DNAAF1: variants seen among roughly 807,000 people sequenced by gnomAD.
DNAAF1 encodes the protein dynein assembly factor 1, axonemal.
A neutral mutation model predicts 71.1 loss-of-function variants in DNAAF1; 65 were observed. The ratio of observed to expected loss-of-function variants is 0.91; its 90% CI spans 0.75 to 1.12. DNAAF1 has a LOEUF of 1.12. Ranked by LOEUF, DNAAF1 falls within the 50% of genes most tolerant of loss-of-function variation. DNAAF1 has a pLI of 0.00. For synonymous variants in DNAAF1, 414 were observed against 354.6 expected, an observed-to-expected ratio of 1.17 and a Z score of -1.88; for missense variants, 1,178 against 899.8, an observed-to-expected ratio of 1.31 and a Z score of -3.96.
At chr16:84,158,020 A>G (rs2087524139) in intron 5 of DNAAF1, among the ~76,000 whole-genome samples, 2 of 152,100 alleles carry the variant, frequency 1.3e-5, no homozygotes, top group Admixed American at 6.6e-5. Context: ...TTCCTGGCTA[A>G]CATGGTGAAA....
intron 5 of DNAAF1, chr16:84,159,205 A>G: frequency 9.7e-7 from 1 of 1,029,040 alleles, no homozygotes; most frequent in Non-Finnish European, 1.2e-6. Context: ...TGCGGCACTC[A>G]GCAGAGGTAA....
Position 84,154,847 on chromosome 16 carries a change from C to G in DNAAF1, c.574+49C>G, listed in dbSNP as rs141729778. 2.8e-4 allele frequency: 398 copies of G among 1,427,446 alleles called. 2 individuals are homozygous for G. In the African/African-American group the frequency reaches 4.6e-3, roughly 16 times the overall value. 88.4% of individuals were successfully genotyped at this position (1,427,446 alleles called of 1,614,324 possible). ...TGTCTGTTTGCCATATGTCCATCAC[C>G]TTCCCCTGAGGGATGTTCTAAGCTT... is the stretch of plus-strand genomic sequence containing the variant. On this transcript the variant is annotated intron_variant, in intron 4 of 11. Coordinates refer to ENST00000378553, the MANE Select transcript of DNAAF1 (RefSeq NM_178452.6).
At chr16:84,151,805 A>G (rs1298528243) in intron 3 of DNAAF1, among the ~76,000 whole-genome samples, 2 of 152,226 alleles carry the variant, frequency 1.3e-5, no homozygotes, top group East Asian at 1.9e-4. Context: ...TCTAGGCCTC[A>G]GACCCTCATA....
chr16:84,153,225 T>TA (rs1198390977), intron 3 of DNAAF1, among the ~76,000 whole-genome samples: 1 of 152,154 alleles, frequency 6.6e-6, no homozygotes, highest in Admixed American at 6.6e-5. Context: ...ACTTCCACTA[T>TA]AAAAATTTTT....
chr16:84,154,135 T>G (rs921974611), intron 3 of DNAAF1, among the ~76,000 whole-genome samples: 1 of 152,124 alleles, frequency 6.6e-6, no homozygotes, highest in Admixed American at 6.6e-5. Flanking sequence ...GGCAGGTGTC[T>G]TAGTCCGTTT....
intron 1 of DNAAF1, among the ~76,000 whole-genome samples, chr16:84,147,119 C>T (rs1385898561): frequency 6.6e-6 from 1 of 152,174 alleles, no homozygotes; most frequent in African/African-American, 2.4e-5. Context: ...AATAATTATA[C>T]AGGAGTATAA....
At chr16:84,163,871 TTTG>T (rs1567552420) in intron 6 of DNAAF1, among the ~76,000 whole-genome samples, 3 of 127,532 alleles carry the variant, frequency 2.4e-5, no homozygotes. Flanking sequence ...TTTTTTTTTT[TTTG>T]TGGGGGACAG....
chr16:84,174,066 G>A (rs971834241), intron 9 of DNAAF1: 4 of 386,472 alleles, frequency 1.0e-5, no homozygotes, highest in Non-Finnish European at 1.4e-5. Flanking sequence ...TTTCCCAGAT[G>A]AGGAAAATGA....
At chr16:84,152,973 G>C (rs1174651049) in intron 3 of DNAAF1, among the ~76,000 whole-genome samples, 1 of 149,808 alleles carries the variant, frequency 6.7e-6, no homozygotes, top group Non-Finnish European at 1.5e-5. Flanking sequence ...AAAAAAAAGT[G>C]ACTTAAGAGA....
At chr16:84,156,670 G>A (rs565468506) in intron 5 of DNAAF1, among the ~76,000 whole-genome samples, 1 of 152,204 alleles carries the variant, frequency 6.6e-6, no homozygotes, top group South Asian at 2.1e-4. Flanking sequence ...CAACTTTCCA[G>A]TTTTCTCACT....
rs1173036419 is a variant in DNAAF1, at chr16:84,174,922, C to G, written c.1698+200C>G. The G allele has an allele frequency of 4.9e-6, 3 of 616,154 alleles. No individual in the cohort carries two copies. The Admixed American group carries it at 7.5e-5, about 15-fold the overall frequency. 38.2% of individuals were successfully genotyped at this position (616,154 alleles called of 1,614,324 possible). On this transcript the variant is annotated intron_variant, in intron 10 of 11. Coordinates refer to ENST00000378553, the MANE Select transcript of DNAAF1 (RefSeq NM_178452.6). ...CCAGGCTGCAGTGCAATAGTGTGTT[C>G]TTGGCTCACTGCAACCTCCACCTCC...
chr16:84,172,810 AGCAG>A, intron 9 of DNAAF1: 1 of 1,056,352 alleles, frequency 9.5e-7, no homozygotes, highest in South Asian at 3.2e-5. Flanking sequence ...GACACCGCCC[AGCAG>A]GTAGCTTAGG....
At chr16:84,169,806 C>T (rs1329629180) in intron 7 of DNAAF1, 53 bp from the exon 8 acceptor site, 17 of 1,610,820 alleles carry the variant, frequency 1.1e-5, no homozygotes, top group Non-Finnish European at 1.4e-5. Context: ...CCCACAAACA[C>T]CCTTGTCCTC....
chr16:84,149,251 G>T, intron 2 of DNAAF1, 109 bp downstream of exon 2: 7 of 1,407,602 alleles, frequency 5.0e-6, no homozygotes, highest in Non-Finnish European at 7.0e-6. Context: ...TGAATTGCCT[G>T]CCCAATGTCT....
rs550446104 is a variant in DNAAF1 at position 84,151,777 on chromosome 16, G to C, written c.352+1435G>C. On this transcript the variant is annotated intron_variant, in intron 3 of 11. Coordinates refer to ENST00000378553, the MANE Select transcript of DNAAF1 (RefSeq NM_178452.6). Reference sequence around the variant, plus strand: ...TCATTCGATGGCTTGACGAGGGCTAGAGAATCCACTTCCAGGCTCTAGGCC... The same window carrying C: ...TCATTCGATGGCTTGACGAGGGCTACAGAATCCACTTCCAGGCTCTAGGCC... Among the ~76,000 whole-genome samples, 3 of 152,320 alleles carry C rather than the reference G, an allele frequency of 2.0e-5. No individual in the cohort carries two copies. The East Asian group carries it at 5.8e-4, about 29-fold the overall frequency.
intron 9 of DNAAF1, chr16:84,172,805 C>T (rs778087624): frequency 2.3e-4 from 238 of 1,056,214 alleles, no homozygotes; most frequent in Middle Eastern, 4.6e-4. Context: ...CCGTGGACAC[C>T]GCCCAGCAGG....
chr16:84,157,540 C>T (rs374606723), intron 5 of DNAAF1, among the ~76,000 whole-genome samples: 1 of 151,542 alleles, frequency 6.6e-6, no homozygotes, highest in Non-Finnish European at 1.5e-5. Context: ...AATTCCCGTC[C>T]TTTGGGCTTG....
chr16:84,145,603 C>T (rs751348711), intron 1 of DNAAF1, 39 bp downstream of exon 1: 2 of 1,539,470 alleles, frequency 1.3e-6, no homozygotes, highest in East Asian at 2.5e-5. Context: ...GGGCGAGGGG[C>T]AGACACGGCT....
intron 4 of DNAAF1, among the ~76,000 whole-genome samples, chr16:84,155,076 T>C (rs1051001556): frequency 3.9e-5 from 6 of 152,002 alleles, no homozygotes; most frequent in African/African-American, 1.4e-4. Context: ...ACCTGGCTAA[T>C]TTTTTGTATT....
Sources: allele counts gnomAD v4.1 joint callset (sites outside exome capture counted in the v4.1 genomes callset), GRCh38; gene constraint gnomAD v4.1.1; transcripts MANE v1.5; gene names NCBI Gene and HGNC (gene_info 2026-07-23, HGNC 2026-07-21).